The following AGMO variants were observed in gnomAD, a reference collection of about 807,000 sequenced individuals.
AGMO encodes alkylglycerol monooxygenase.
Under a neutral mutation model 60.2 loss-of-function variants are expected in AGMO, and 75 were observed. The ratio of observed to expected loss-of-function variants is 1.25; its 90% CI spans 1.03 to 1.51. The LOEUF is 1.51. AGMO is among the 40% of genes most tolerant of loss of function. The pLI is 0.00. For synonymous variants in AGMO, 261 were observed against 177.1 expected (o/e 1.47, Z -3.76); for missense variants, 763 against 525.5 (o/e 1.45, Z -4.42).
intron 12 of AGMO, among the ~76,000 whole-genome samples, chr7:15,312,667 G>C (rs973719274): frequency 6.6e-6 from 1 of 151,988 alleles, no homozygotes; most frequent in Non-Finnish European, 1.5e-5. Context: ...ACTGCTATCA[G>C]ACACTCACTA....
chr7:15,405,805 TC>T (rs1353421414), intron 5 of AGMO, among the ~76,000 whole-genome samples: 1 of 151,846 alleles, frequency 6.6e-6, no homozygotes, highest in Non-Finnish European at 1.5e-5. Flanking sequence ...AAAAACAGTC[TC>T]TTTTGGGTTC....
the AGMO span, among the ~76,000 whole-genome samples, chr7:15,190,434 C>T: frequency 6.6e-6 from 1 of 151,666 alleles, no homozygotes; most frequent in Non-Finnish European, 1.5e-5. Context: ...TCATATAAAA[C>T]TTTGATTTCT....
the AGMO span, among the ~76,000 whole-genome samples, chr7:15,137,994 A>C: frequency 1.3e-5 from 2 of 152,146 alleles, no homozygotes; most frequent in African/African-American, 4.8e-5. Flanking sequence ...CCTTTGCTTA[A>C]GCCATATCCT....
At chr7:15,540,904 C>G (rs888363753) in intron 3 of AGMO, among the ~76,000 whole-genome samples, 1 of 152,060 alleles carries the variant, frequency 6.6e-6, no homozygotes, top group African/African-American at 2.4e-5. Flanking sequence ...TGAATTTTTA[C>G]AAATATACGC....
At chr7:15,279,468 TG>T (rs200802196) in intron 12 of AGMO, among the ~76,000 whole-genome samples, 44 of 152,040 alleles carry the variant, frequency 2.9e-4, no homozygotes, top group African/African-American at 8.0e-4. Context: ...GAACACTGGT[TG>T]TTTTTTTTTA....
intron 6 of AGMO, among the ~76,000 whole-genome samples, chr7:15,393,536 G>T (rs1204269629): frequency 6.6e-6 from 1 of 152,116 alleles, no homozygotes; most frequent in Non-Finnish European, 1.5e-5. Flanking sequence ...TATGCACATT[G>T]CTATATAGGG....
At chr7:15,273,845 G>A (rs181952789) in intron 12 of AGMO, among the ~76,000 whole-genome samples, 2 of 152,146 alleles carry the variant, frequency 1.3e-5, no homozygotes, top group East Asian at 3.8e-4. Flanking sequence ...CACATCCCTT[G>A]TAAGTTGGAT....
At chr7:15,194,816 G>C in the AGMO span, among the ~76,000 whole-genome samples, 3 of 152,062 alleles carry the variant, frequency 2.0e-5, no homozygotes, top group African/African-American at 7.2e-5. Context: ...TGGCTGCCAG[G>C]TTCCATTTTT....
chr7:15,238,246 T>C (rs1782486055), intron 12 of AGMO, among the ~76,000 whole-genome samples: 1 of 152,086 alleles, frequency 6.6e-6, no homozygotes, highest in African/African-American at 2.4e-5. Context: ...CACGTGTGTG[T>C]ATTTTTAAAG....
At chr7:15,244,454 T>TAA (rs1782683364) in intron 12 of AGMO, among the ~76,000 whole-genome samples, 1 of 152,130 alleles carries the variant, frequency 6.6e-6, no homozygotes, top group East Asian at 1.9e-4. Flanking sequence ...AAAACACCAT[T>TAA]ACCCGACTCC....
At chr7:15,239,383 T>C (rs1044964364) in intron 12 of AGMO, among the ~76,000 whole-genome samples, 2 of 152,110 alleles carry the variant, frequency 1.3e-5, no homozygotes, top group Admixed American at 6.5e-5. Context: ...GTTCCTGTTA[T>C]GAAATATTAA....
At chr7:15,335,447 T>A (rs2128546430) in intron 12 of AGMO, among the ~76,000 whole-genome samples, 1 of 152,300 alleles carries the variant, frequency 6.6e-6, no homozygotes, top group East Asian at 1.9e-4. Flanking sequence ...GCAATTATAA[T>A]TACTTTTTTA....
At chr7:15,335,076 C>T (rs182495180) in intron 12 of AGMO, among the ~76,000 whole-genome samples, 6 of 152,146 alleles carry the variant, frequency 3.9e-5, no homozygotes, top group South Asian at 2.1e-4. Flanking sequence ...CTTGGGAAGC[C>T]GTATTCATCT....
intron 3 of AGMO, among the ~76,000 whole-genome samples, chr7:15,512,094 C>T (rs1783691363): frequency 6.6e-6 from 1 of 151,846 alleles, no homozygotes; most frequent in Non-Finnish European, 1.5e-5. Context: ...TCTTTTGTAG[C>T]AGAATGGTAT....
At chr7:15,347,629 C>T (rs1015473003) in intron 12 of AGMO, among the ~76,000 whole-genome samples, 2 of 151,684 alleles carry the variant, frequency 1.3e-5, no homozygotes, top group African/African-American at 2.4e-5. Context: ...AAAATGTGGG[C>T]GCAGTGTGGC....
intron 12 of AGMO, among the ~76,000 whole-genome samples, chr7:15,252,778 G>T (rs542317644): frequency 6.6e-6 from 1 of 152,296 alleles, no homozygotes; most frequent in Admixed American, 6.5e-5. Flanking sequence ...ACTGAGCTGT[G>T]TAACACTCCA....
At chr7:15,367,059 A>G (rs1396694167) in intron 10 of AGMO, among the ~76,000 whole-genome samples, 1 of 152,012 alleles carries the variant, frequency 6.6e-6, no homozygotes, top group Non-Finnish European at 1.5e-5. Context: ...TACATTCTGT[A>G]TAAAAACTAA....
At chr7:15,266,089 T>C (rs1333037934) in intron 12 of AGMO, among the ~76,000 whole-genome samples, 2 of 152,038 alleles carry the variant, frequency 1.3e-5, no homozygotes, top group African/African-American at 4.8e-5. Context: ...GTCAAAATCA[T>C]TGAGACAGAA....
intron 3 of AGMO, among the ~76,000 whole-genome samples, chr7:15,440,788 TA>T (rs1266632611): frequency 1.3e-5 from 2 of 152,348 alleles, no homozygotes; most frequent in South Asian, 2.1e-4. Flanking sequence ...AAAAAATGTG[TA>T]ATTTTTAACT....
Sources: gnomAD v4.1 joint callset for allele counts (sites outside exome capture counted in the v4.1 genomes callset) on GRCh38, gnomAD v4.1.1 for gene constraint, MANE v1.5 for transcripts, NCBI Gene and HGNC (gene_info 2026-07-23, HGNC 2026-07-21) for gene names.